The following PATJ variants were observed in gnomAD, a reference collection of about 807,000 sequenced individuals.
PATJ encodes inaD-like protein.
A neutral mutation model predicts 224.9 loss-of-function variants in PATJ; 190 were observed. That is an observed-to-expected ratio of 0.84 (90% CI 0.75 to 0.95). PATJ has a LOEUF of 0.95. PATJ is among the 40% of genes least tolerant of loss of function. The probability of loss-of-function intolerance (pLI) is 0.00; values close to 1 mark genes in which losing one functional copy is unlikely to be tolerated. For synonymous variants in PATJ, 769 were observed against 820.3 expected, an observed-to-expected ratio of 0.94 and a Z score of 1.07; for missense variants, 2,121 against 2,270.3, an observed-to-expected ratio of 0.93 and a Z score of 1.34.
chr1:61,996,741 C>CT (rs56215259), intron 28 of PATJ, among the ~76,000 whole-genome samples: 102 of 97,728 alleles, frequency 1.0e-3, no homozygotes, highest in Non-Finnish European at 1.2e-3. Flanking sequence ...CTTTTCTTTT[C>CT]TTTTTTTTTT....
chr1:61,958,552 G>T (rs1031277168), intron 27 of PATJ, among the ~76,000 whole-genome samples: 5 of 152,136 alleles, frequency 3.3e-5, no homozygotes, highest in African/African-American at 1.2e-4. Context: ...TTCCCTTGAA[G>T]ATTTTCCCAA....
chr1:61,956,912 C>T (rs1013200619), intron 27 of PATJ, among the ~76,000 whole-genome samples: 1 of 152,198 alleles, frequency 6.6e-6, no homozygotes, highest in African/African-American at 2.4e-5. Context: ...TTTCACAGAT[C>T]ACAGAACCTG....
intron 35 of PATJ, among the ~76,000 whole-genome samples, chr1:62,116,048 G>A (rs908490112): frequency 2.6e-5 from 4 of 152,076 alleles, no homozygotes; most frequent in Non-Finnish European, 5.9e-5. Flanking sequence ...TACCTGGTGC[G>A]GTTTTATTTA....
chr1:61,935,904 AG>A (rs1442865745), intron 27 of PATJ, among the ~76,000 whole-genome samples: 2 of 152,196 alleles, frequency 1.3e-5, no homozygotes, highest in African/African-American at 2.4e-5. Context: ...AATTATTTTA[AG>A]AACAGGATAC....
At chr1:61,864,143 A>T in intron 19 of PATJ, 95 bp from the exon 20 acceptor site, 1 of 991,358 alleles carries the variant, frequency 1.0e-6, no homozygotes. Flanking sequence ...TGGCATATGC[A>T]GTCACGCCAG....
rs144020059 is a variant in PATJ at position 61,914,587 on chromosome 1, G to A, written c.3493G>A (p.Val1165Ile). ...CCCACCCCTTTTTTTGTCACCATAG[G>A]TCATTCCTAACGTACATAACAAGGC... ...IVQSLSSTPR[V>I]IPNVHNKANK... The change falls in exon 26 of 44, where the codon GTC (valine) becomes ATC (isoleucine). Residue 1165 changes from valine (V) to isoleucine (I), a missense_variant and splice_region_variant. Coordinates refer to ENST00000642238, the MANE Select transcript of PATJ (RefSeq NM_001350145.3). 4.6e-5 allele frequency: 68 copies of A among 1,487,394 alleles called. No homozygotes were observed. The highest frequency in any genetic ancestry group is 2.0e-4 in the South Asian group (17 of 85,372). 92.1% of individuals were successfully genotyped at this position (1,487,394 alleles called of 1,614,324 possible).
At chr1:62,150,575 G>A (rs767985120) in intron 42 of PATJ, among the ~76,000 whole-genome samples, 43 of 151,206 alleles carry the variant, frequency 2.8e-4, no homozygotes, top group Non-Finnish European at 5.2e-4. Flanking sequence ...TACTAAGGAG[G>A]CTGAGGCAGG....
At chr1:62,092,746 A>ATTTT in intron 33 of PATJ, among the ~76,000 whole-genome samples, 1 of 151,258 alleles carries the variant, frequency 6.6e-6, no homozygotes, top group Admixed American at 6.6e-5. Flanking sequence ...TTATTTATTT[A>ATTTT]TTTTTTTATT....
In PATJ at chr1:62,163,116, C is replaced by G. The variant is rs1669956515; in HGVS notation, c.*2062C>G. 1 of 162,838 alleles carries G rather than the reference C, an allele frequency of 6.1e-6. No homozygotes were observed. Among genetic ancestry groups the G allele is most frequent in the Non-Finnish European group, 1.4e-5 (1 of 74,072 alleles). The allele number at this position is 162,838 out of a possible 1,614,324, so 10.1% of individuals were successfully genotyped here. A position where few individuals can be genotyped will look rare whatever the true frequency, so the allele number is the denominator to read the frequency against. The stretch of plus-strand genomic sequence containing the variant: ...AGTATAGATTTTAATTGAGAATTAT[C>G]TTTGAGTAGATGTAATCACAAAGTG... On this transcript the variant is annotated 3_prime_UTR_variant, in exon 44 of 44. Coordinates refer to ENST00000642238, the MANE Select transcript of PATJ (RefSeq NM_001350145.3).
chr1:61,809,570 A>G (rs1654279783), intron 14 of PATJ, among the ~76,000 whole-genome samples: 1 of 151,774 alleles, frequency 6.6e-6, no homozygotes, highest in South Asian at 2.1e-4. Flanking sequence ...TATTTTCAGT[A>G]GAGACGAGGT....
Position 61,927,870 on chromosome 1 carries a change from T to C in PATJ, c.3670+41T>C, listed in dbSNP as rs182851267. Reference sequence around the variant, plus strand: ...CTATTTAGGGTAGATGCAGAACTTATTAAATTATGTTTTAACGACTGTTGT... The same window carrying C: ...CTATTTAGGGTAGATGCAGAACTTACTAAATTATGTTTTAACGACTGTTGT... On this transcript the variant is annotated intron_variant, in intron 27 of 43. Transcript: ENST00000642238. 2.8e-4 allele frequency: 372 copies of C among 1,326,400 alleles called. 1 individual carries two copies. The African/African-American group carries it at 5.2e-3, about 18-fold the overall frequency. 82.2% of individuals were successfully genotyped at this position (1,326,400 alleles called of 1,614,324 possible). A position where few individuals can be genotyped will look rare whatever the true frequency, so the allele number is the denominator to read the frequency against.
At chr1:61,940,749 A>G (rs990238483) in intron 27 of PATJ, among the ~76,000 whole-genome samples, 2 of 151,840 alleles carry the variant, frequency 1.3e-5, no homozygotes, top group Non-Finnish European at 2.9e-5. Flanking sequence ...AAAAGAAAAG[A>G]AAAAGAAATT....
At chr1:62,125,236 C>CAAAAAAAAAAAAAAAAAAAAAAA (rs761278812) in intron 39 of PATJ, among the ~76,000 whole-genome samples, 6 of 27,744 alleles carry the variant, frequency 2.2e-4, no homozygotes, top group Non-Finnish European at 3.4e-4. Flanking sequence ...AACCCTGTCT[C>CAAAAAAAAAAAAAAAAAAAAAAA]AAAAAAAAAA....
chr1:61,966,323 G>C (rs1682134897), intron 27 of PATJ, among the ~76,000 whole-genome samples: 1 of 152,236 alleles, frequency 6.6e-6, no homozygotes, highest in Admixed American at 6.5e-5. Flanking sequence ...TTACTGGAAA[G>C]GGGTTAGGAT....
chr1:62,143,753 C>G (rs567962457), intron 41 of PATJ, among the ~76,000 whole-genome samples: 1 of 152,116 alleles, frequency 6.6e-6, no homozygotes, highest in African/African-American at 2.4e-5. Flanking sequence ...CTGGCCTAAG[C>G]TGGGATTGTG....
At chr1:62,121,486 C>T (rs947421738) in intron 38 of PATJ, among the ~76,000 whole-genome samples, 191 bp downstream of exon 38, 8 of 151,948 alleles carry the variant, frequency 5.3e-5, no homozygotes, top group African/African-American at 1.7e-4. Context: ...CAGTGGTGGC[C>T]AGGCATGGTG....
At chr1:62,094,320 G>A (rs1297686411) in intron 33 of PATJ, among the ~76,000 whole-genome samples, 2 of 152,120 alleles carry the variant, frequency 1.3e-5, no homozygotes, top group Admixed American at 6.6e-5. Flanking sequence ...TCTAAGTCTG[G>A]GACCTCAAAG....
At position 62,006,849 on chromosome 1, in the gene PATJ, T is replaced by C. The variant is rs141819634; in HGVS notation, c.3868-11007T>C. 8.1e-3 allele frequency among the ~76,000 whole-genome samples: 1,233 copies of C among 152,288 alleles called. 24 individuals carry two copies. The highest frequency in any genetic ancestry group is 0.028 in the African/African-American group (1,169 of 41,556). On this transcript the variant is annotated intron_variant, in intron 28 of 43. Transcript: ENST00000642238. ...TCTGAGAAATGCGTCACTGAGTGAT[T>C]TTGTTGTATGAAGGTCATAAAGTGT...
chr1:61,890,239 G>A (rs1669417308), intron 22 of PATJ, among the ~76,000 whole-genome samples: 1 of 152,170 alleles, frequency 6.6e-6, no homozygotes, highest in South Asian at 2.1e-4. Flanking sequence ...AGCACTTTAT[G>A]TGGCCAAGGT....
Sources: allele counts gnomAD v4.1 joint callset (sites outside exome capture counted in the v4.1 genomes callset), GRCh38; gene constraint gnomAD v4.1.1; transcripts MANE v1.5; gene names NCBI Gene and HGNC (gene_info 2026-07-23, HGNC 2026-07-21).